SLC26A7: variants seen among roughly 807,000 people sequenced by gnomAD.
SLC26A7 encodes the protein anion exchange transporter.
A neutral mutation model predicts 82.5 loss-of-function variants in SLC26A7; 59 were observed. That is an observed-to-expected ratio of 0.72 (90% CI 0.58 to 0.89). The LOEUF (loss-of-function observed/expected upper bound fraction) is 0.89. SLC26A7 is among the 40% of genes least tolerant of loss of function. SLC26A7 has a pLI of 0.00. For synonymous variants in SLC26A7, 271 were observed against 274.3 expected, an observed-to-expected ratio of 0.99 and a Z score of 0.12; for missense variants, 820 against 793.0, an observed-to-expected ratio of 1.03 and a Z score of -0.41.
intron 16 of SLC26A7, among the ~76,000 whole-genome samples, chr8:91,393,063 G>A (rs773976551): frequency 2.6e-5 from 4 of 152,076 alleles, no homozygotes; most frequent in African/African-American, 9.7e-5. Flanking sequence ...AGAATATATT[G>A]TAAATGCACC....
chr8:91,289,775 A>G (rs1811814641), intron 3 of SLC26A7, among the ~76,000 whole-genome samples: 1 of 152,216 alleles, frequency 6.6e-6, no homozygotes, highest in Non-Finnish European at 1.5e-5. Context: ...CATGTATTTG[A>G]TATGTGGACT....
intron 4 of SLC26A7, among the ~76,000 whole-genome samples, chr8:91,301,769 A>AT (rs1812172796): frequency 6.9e-6 from 1 of 144,206 alleles, no homozygotes; most frequent in East Asian, 2.0e-4. Flanking sequence ...CTCTTCTTCT[A>AT]TTTTTTCCAT....
At chr8:91,389,645 A>G (rs960570953) in intron 16 of SLC26A7, among the ~76,000 whole-genome samples, 1 of 152,170 alleles carries the variant, frequency 6.6e-6, no homozygotes, top group Non-Finnish European at 1.5e-5. Context: ...TGTATGTGTG[A>G]GGGTCAGGGA....
rs191089078 is a variant in SLC26A7 at position 91,301,094 on chromosome 8, G to C, written c.477+5391G>C. Among the ~76,000 whole-genome samples, 122 of 152,262 alleles carry C rather than the reference G, an allele frequency of 8.0e-4. 1 individual carries two copies. Among genetic ancestry groups the C allele is most frequent in the Non-Finnish European group, 6.6e-4 (45 of 68,008 alleles). On this transcript the variant is annotated intron_variant, in intron 4 of 18. Coordinates refer to ENST00000276609, the MANE Select transcript of SLC26A7 (RefSeq NM_052832.4). ...AAATTGCAAGAATAAATTCCAGTTG[G>C]TCACGGTCTATTTTATTCTTAATGT...
At chr8:91,341,296 G>A (rs1048824642) in intron 8 of SLC26A7, among the ~76,000 whole-genome samples, 2 of 152,010 alleles carry the variant, frequency 1.3e-5, no homozygotes, top group Non-Finnish European at 2.9e-5. Context: ...TTTCATCCAT[G>A]TCCCTACAAA....
In SLC26A7 at chr8:91,295,515, C is replaced by T; in HGVS notation, c.305-16C>T. 1 of 1,605,092 alleles carries T rather than the reference C, an allele frequency of 6.2e-7. No individual in the cohort carries two copies. Among genetic ancestry groups the T allele is most frequent in the Non-Finnish European group, 8.5e-7 (1 of 1,174,926 alleles). ...CAAATTACTAATAGAAGATTCCCCA[C>T]ACCACTTGGTTTCAGGCACCTTTGC... On this transcript the variant is annotated splice_polypyrimidine_tract_variant and intron_variant, in intron 3 of 18. Transcript: ENST00000276609.
intron 1 of SLC26A7, among the ~76,000 whole-genome samples, chr8:91,215,071 A>G (rs548586449): frequency 6.6e-6 from 1 of 151,612 alleles, no homozygotes; most frequent in East Asian, 1.9e-4. Flanking sequence ...CACTTTAACA[A>G]CTCTTGTGAT....
chr8:91,306,070 T>C (rs1016415412), intron 4 of SLC26A7, among the ~76,000 whole-genome samples: 4 of 152,168 alleles, frequency 2.6e-5, no homozygotes, highest in African/African-American at 4.8e-5. Context: ...CCTCAAAATG[T>C]CTTGCTTTAT....
intron 9 of SLC26A7, among the ~76,000 whole-genome samples, chr8:91,345,481 T>C (rs1813537313): frequency 6.6e-6 from 1 of 152,252 alleles, no homozygotes; most frequent in South Asian, 2.1e-4. Flanking sequence ...GAGTTAATAA[T>C]GCTTATTTAG....
intron 2 of SLC26A7, among the ~76,000 whole-genome samples, chr8:91,287,655 C>A (rs1048509249): frequency 2.8e-4 from 43 of 152,172 alleles, no homozygotes; most frequent in African/African-American, 9.7e-4. Flanking sequence ...GCATTTCTGT[C>A]TCTTAATAGA....
At chr8:91,381,053 G>A (rs1814658406) in intron 15 of SLC26A7, among the ~76,000 whole-genome samples, 1 of 151,926 alleles carries the variant, frequency 6.6e-6, no homozygotes, top group African/African-American at 2.4e-5. Flanking sequence ...CATATAGTAA[G>A]GTTCTAATTT....
At chr8:91,382,593 C>G (rs1371750644) in intron 15 of SLC26A7, among the ~76,000 whole-genome samples, 1 of 152,094 alleles carries the variant, frequency 6.6e-6, no homozygotes, top group African/African-American at 2.4e-5. Flanking sequence ...CAAGTGCAGA[C>G]TGGGATTCAG....
intron 15 of SLC26A7, among the ~76,000 whole-genome samples, chr8:91,371,797 A>G (rs1315271203): frequency 1.3e-5 from 2 of 151,914 alleles, no homozygotes; most frequent in African/African-American, 4.8e-5. Context: ...TCTTTGAGAA[A>G]TCTCCATACC....
chr8:91,317,830 A>G (rs1413016367), intron 4 of SLC26A7, among the ~76,000 whole-genome samples: 1 of 151,792 alleles, frequency 6.6e-6, no homozygotes, highest in Admixed American at 6.6e-5. Flanking sequence ...TGAAACATGT[A>G]GGATTAGGAA....
chr8:91,379,201 G>A (rs557411509), intron 15 of SLC26A7, among the ~76,000 whole-genome samples: 8 of 151,978 alleles, frequency 5.3e-5, no homozygotes, highest in Non-Finnish European at 1.2e-4. Context: ...GAAGCACAAT[G>A]CCCATTGATT....
At chr8:91,240,029 C>G (rs1215511583) in intron 2 of SLC26A7, among the ~76,000 whole-genome samples, 1 of 152,256 alleles carries the variant, frequency 6.6e-6, no homozygotes. Flanking sequence ...CAGCACCTCT[C>G]CTGTGTGCCA....
rs1367287837 is a variant in SLC26A7 at position 91,338,138 on chromosome 8, G to A, written c.796-12G>A. 4 of 1,583,552 alleles carry A rather than the reference G, an allele frequency of 2.5e-6. No homozygotes were observed. The Admixed American group carries it at 5.7e-5, about 23-fold the overall frequency. ...GTATATATTTTTTCTTTTTTCAAAT[G>A]GAACCACACAGATTATTGCTGCATC... is the stretch of plus-strand genomic sequence containing the variant. On this transcript the variant is annotated splice_polypyrimidine_tract_variant and intron_variant, in intron 6 of 18. Transcript: ENST00000276609.
At chr8:91,394,067 G>C in intron 18 of SLC26A7, 28 bp downstream of exon 18, 2 of 1,600,700 alleles carry the variant, frequency 1.2e-6, no homozygotes, top group Non-Finnish European at 1.7e-6. Flanking sequence ...GGCTGAAGGA[G>C]TTATAAGAAT....
At chr8:91,262,122 T>C (rs923254057) in intron 2 of SLC26A7, among the ~76,000 whole-genome samples, 4 of 152,010 alleles carry the variant, frequency 2.6e-5, no homozygotes, top group Non-Finnish European at 4.4e-5. Context: ...CAGCTTGAGC[T>C]GAGGTTGTGG....
Sources: allele counts gnomAD v4.1 joint callset (sites outside exome capture counted in the v4.1 genomes callset), GRCh38; gene constraint gnomAD v4.1.1; transcripts MANE v1.5; gene names NCBI Gene and HGNC (gene_info 2026-07-23, HGNC 2026-07-21).